CFAP299: variants seen among roughly 807,000 people sequenced by gnomAD.
CFAP299 encodes the protein cilia and flagella associated protein 299, also known as cilia- and flagella-associated protein 299.
A neutral mutation model predicts 27.0 loss-of-function variants in CFAP299; 21 were observed. That is an observed-to-expected ratio of 0.78 (90% CI 0.55 to 1.12). CFAP299 has a LOEUF of 1.12. Ranked by LOEUF, CFAP299 falls within the 50% of genes most tolerant of loss-of-function variation. The probability of loss-of-function intolerance (pLI) is 0.00; values close to 1 mark genes in which losing one functional copy is unlikely to be tolerated. For synonymous variants in CFAP299, 104 were observed against 98.1 expected, an observed-to-expected ratio of 1.06 and a Z score of -0.36; for missense variants, 310 against 276.6, an observed-to-expected ratio of 1.12 and a Z score of -0.86.
chr4:80,701,358 A>T (rs1721468571), intron 3 of CFAP299, among the ~76,000 whole-genome samples: 1 of 152,100 alleles, frequency 6.6e-6, no homozygotes, highest in African/African-American at 2.4e-5. Flanking sequence ...ACATTCAGTT[A>T]TCAAACACCA....
intron 2 of CFAP299, among the ~76,000 whole-genome samples, chr4:80,367,185 G>C (rs1311799880): frequency 6.6e-6 from 1 of 152,194 alleles, no homozygotes; most frequent in Non-Finnish European, 1.5e-5. Flanking sequence ...CCTTAAAAGT[G>C]TGAATTTATA....
intron 3 of CFAP299, among the ~76,000 whole-genome samples, chr4:80,652,750 A>C (rs1043165359): frequency 5.9e-5 from 9 of 151,924 alleles, no homozygotes; most frequent in African/African-American, 2.2e-4. Flanking sequence ...GTGCTCCCTC[A>C]TTCCTCTCTG....
At chr4:80,825,649 A>G (rs944516424) in intron 3 of CFAP299, among the ~76,000 whole-genome samples, 1 of 152,022 alleles carries the variant, frequency 6.6e-6, no homozygotes, top group African/African-American at 2.4e-5. Context: ...CCAGCAAAAT[A>G]GTCTTCAAAA....
intron 2 of CFAP299, among the ~76,000 whole-genome samples, chr4:80,398,549 ATCTGATCT>A (rs1191502611): frequency 1.3e-5 from 2 of 152,206 alleles, no homozygotes; most frequent in African/African-American, 4.8e-5. Flanking sequence ...ATCTACAACC[ATCTGATCT>A]TTGACAAACT....
intron 3 of CFAP299, among the ~76,000 whole-genome samples, chr4:80,804,938 T>C (rs1728789211): frequency 6.6e-6 from 1 of 152,134 alleles, no homozygotes; most frequent in Non-Finnish European, 1.5e-5. Flanking sequence ...ATAGCTTTTA[T>C]GTTCCTCATT....
intron 3 of CFAP299, among the ~76,000 whole-genome samples, chr4:80,650,928 T>C (rs1485633966): frequency 6.6e-6 from 1 of 151,948 alleles, no homozygotes; most frequent in Non-Finnish European, 1.5e-5. Flanking sequence ...GCTCGGGTGA[T>C]GAGTGCACCA....
intron 3 of CFAP299, among the ~76,000 whole-genome samples, chr4:80,738,898 G>C (rs192557984): frequency 6.6e-6 from 1 of 150,912 alleles, no homozygotes; most frequent in African/African-American, 2.4e-5. Context: ...TAATTTTTTT[G>C]TGTGTGTATC....
At chr4:80,807,878 G>T (rs1421768427) in intron 3 of CFAP299, among the ~76,000 whole-genome samples, 1 of 151,932 alleles carries the variant, frequency 6.6e-6, no homozygotes, top group African/African-American at 2.4e-5. Context: ...ATAATTAAAG[G>T]GCAGGGAGGA....
chr4:80,644,220 G>A (rs1005725893), intron 3 of CFAP299, among the ~76,000 whole-genome samples: 3 of 152,048 alleles, frequency 2.0e-5, no homozygotes, highest in African/African-American at 4.8e-5. Flanking sequence ...CTTTGTGTGT[G>A]TTTTTGTATG....
At chr4:80,591,140 T>TTTTTTTTTTG (rs1578643534) in intron 3 of CFAP299, among the ~76,000 whole-genome samples, 1 of 146,984 alleles carries the variant, frequency 6.8e-6, no homozygotes, top group African/African-American at 2.5e-5. Flanking sequence ...TTATTTTTTT[T>TTTTTTTTTTG]TGAGACGGAG....
At chr4:80,812,837 A>G (rs570540189) in intron 3 of CFAP299, among the ~76,000 whole-genome samples, 5 of 152,136 alleles carry the variant, frequency 3.3e-5, no homozygotes, top group African/African-American at 4.8e-5. Flanking sequence ...AGATTTCTAT[A>G]TTACTTATTA....
At chr4:80,662,069 G>T (rs544991987) in intron 3 of CFAP299, among the ~76,000 whole-genome samples, 1 of 152,046 alleles carries the variant, frequency 6.6e-6, no homozygotes, top group African/African-American at 2.4e-5. Context: ...ATGCGTGCCC[G>T]AAACTTCATT....
At chr4:80,719,015 A>G (rs749678849) in intron 3 of CFAP299, among the ~76,000 whole-genome samples, 7 of 152,178 alleles carry the variant, frequency 4.6e-5, no homozygotes, top group Non-Finnish European at 7.3e-5. Context: ...TTTGGGGGCC[A>G]TTATTCTTAG....
chr4:80,488,474 C>CTT (rs35951592), intron 2 of CFAP299, among the ~76,000 whole-genome samples: 57 of 136,536 alleles, frequency 4.2e-4, no homozygotes, highest in Middle Eastern at 3.9e-3. Flanking sequence ...TGGTAAACAC[C>CTT]TTTTTTTTTT....
At chr4:80,675,002 G>A (rs1041463859) in intron 3 of CFAP299, among the ~76,000 whole-genome samples, 16 of 151,944 alleles carry the variant, frequency 1.1e-4, no homozygotes, top group Non-Finnish European at 1.9e-4. Context: ...TGTTATTACC[G>A]ACCTTCTGAA....
chr4:80,336,183 T>C (rs1047717892), intron 1 of CFAP299, among the ~76,000 whole-genome samples: 2 of 152,292 alleles, frequency 1.3e-5, no homozygotes, highest in African/African-American at 4.8e-5. Flanking sequence ...CCCAGCCCAC[T>C]CCCATTCCAA....
chr4:80,554,713 A>G (rs1300314640), intron 2 of CFAP299, among the ~76,000 whole-genome samples: 5 of 151,734 alleles, frequency 3.3e-5, no homozygotes, highest in Non-Finnish European at 7.4e-5. Flanking sequence ...GAGATCTTTC[A>G]TCTCCCTGGT....
chr4:80,850,365 T>C (rs1331779572), intron 3 of CFAP299, among the ~76,000 whole-genome samples: 1 of 151,904 alleles, frequency 6.6e-6, no homozygotes, highest in Non-Finnish European at 1.5e-5. Context: ...TATTAATATG[T>C]TATTCAGAAA....
intron 3 of CFAP299, among the ~76,000 whole-genome samples, chr4:80,590,189 G>A (rs1736655111): frequency 6.6e-6 from 1 of 152,136 alleles, no homozygotes; most frequent in Non-Finnish European, 1.5e-5. Context: ...GCATGTTTCG[G>A]AATGATGTGT....
Sources: gnomAD v4.1 joint callset for allele counts (sites outside exome capture counted in the v4.1 genomes callset) on GRCh38, gnomAD v4.1.1 for gene constraint, MANE v1.5 for transcripts, NCBI Gene and HGNC (gene_info 2026-07-23, HGNC 2026-07-21) for gene names.